The following LRRC1 variants were observed in gnomAD, a reference collection of about 807,000 sequenced individuals.
LRRC1 encodes leucine-rich repeat-containing protein 1.
In LRRC1, 28 loss-of-function variants were observed where a neutral mutation model predicts 69.9. That is an observed-to-expected ratio of 0.40 (90% CI 0.30 to 0.55). The LOEUF (loss-of-function observed/expected upper bound fraction) is 0.55, where lower values mean the gene tolerates loss of function less well. Ranked by LOEUF, LRRC1 falls within the 20% of genes least tolerant of loss-of-function variation. The pLI, the probability that LRRC1 is intolerant of heterozygous loss-of-function variation, is 0.47. For missense variants in LRRC1, 498 were observed against 609.0 expected, an observed-to-expected ratio of 0.82 and a Z score of 1.92; for synonymous variants, 236 against 240.2, an observed-to-expected ratio of 0.98 and a Z score of 0.16.
chr6:53,818,031 A>G (rs1765002527), intron 1 of LRRC1, among the ~76,000 whole-genome samples: 2 of 152,234 alleles, frequency 1.3e-5, no homozygotes, highest in Admixed American at 6.5e-5. Context: ...TAAGACATGA[A>G]TACAGCACAA....
chr6:53,813,088 C>G (rs1321475174), intron 1 of LRRC1, among the ~76,000 whole-genome samples: 1 of 151,646 alleles, frequency 6.6e-6, no homozygotes, highest in Non-Finnish European at 1.5e-5. Flanking sequence ...GGATGCTGTA[C>G]AGAGAGAGAG....
intron 2 of LRRC1, among the ~76,000 whole-genome samples, chr6:53,849,320 A>G (rs976770214): frequency 5.3e-5 from 8 of 152,224 alleles, no homozygotes; most frequent in African/African-American, 1.9e-4. Context: ...CGAACAGGCT[A>G]AGTTATGGAA....
At chr6:53,821,427 TAAATG>T (rs1368014515) in intron 1 of LRRC1, among the ~76,000 whole-genome samples, 2 of 152,336 alleles carry the variant, frequency 1.3e-5, no homozygotes, top group East Asian at 1.9e-4. Flanking sequence ...GATTTTAAAA[TAAATG>T]AAAACATTTT....
chr6:53,896,475 T>A (rs1435195678), intron 4 of LRRC1, 23 bp from the exon 5 acceptor site: 3 of 1,604,942 alleles, frequency 1.9e-6, no homozygotes, highest in Non-Finnish European at 2.6e-6. Flanking sequence ...CTTATGCTTT[T>A]TTTTCCTTCT....
In LRRC1 at chr6:53,807,701, C is replaced by T. The variant is rs113790914; in HGVS notation, c.159+12286C>T. On this transcript the variant is annotated intron_variant, in intron 1 of 13. Transcript: ENST00000370888. ...TGGAGGTTGCAGTGAGCCAAGATCA[C>T]GCCATTACACTCCAGCCTGGGCAAC... 3.0e-3 allele frequency among the ~76,000 whole-genome samples: 454 copies of T among 152,192 alleles called. 2 individuals are homozygous for T. The highest frequency in any genetic ancestry group is 5.0e-3 in the Non-Finnish European group (342 of 68,016).
intron 2 of LRRC1, among the ~76,000 whole-genome samples, chr6:53,849,400 T>C (rs1349205171): frequency 2.0e-5 from 3 of 152,242 alleles, no homozygotes; most frequent in African/African-American, 4.8e-5. Context: ...CAGTTTCTGC[T>C]CACTTTTTAA....
At chr6:53,902,604 A>G (rs368086181) in intron 8 of LRRC1, 25 bp from the exon 9 acceptor site, 2 of 1,332,762 alleles carry the variant, frequency 1.5e-6, no homozygotes, top group African/African-American at 1.5e-5. Context: ...TGAATTTGAT[A>G]ATAATAATCA....
Position 53,870,569 on chromosome 6 carries a change from C to T in LRRC1, c.278-8424C>T, listed in dbSNP as rs550898449. ...GTGCAGTGTTTTTGATACATTTATACAGTGCATAGTGATCAAATCAGGGTA... is the reference window on the plus strand; with the variant it reads ...GTGCAGTGTTTTTGATACATTTATATAGTGCATAGTGATCAAATCAGGGTA... On this transcript the variant is annotated intron_variant, in intron 2 of 13. Transcript: ENST00000370888. 3.9e-5 allele frequency among the ~76,000 whole-genome samples: 6 copies of T among 152,228 alleles called. No homozygotes were observed. The East Asian group carries it at 1.2e-3, about 29-fold the overall frequency.
intron 2 of LRRC1, among the ~76,000 whole-genome samples, chr6:53,850,305 G>A (rs915246481): frequency 1.3e-5 from 2 of 152,180 alleles, no homozygotes; most frequent in African/African-American, 2.4e-5. Flanking sequence ...TTTTTGATTA[G>A]ATGTTGGTAA....
intron 1 of LRRC1, among the ~76,000 whole-genome samples, chr6:53,830,958 AT>A (rs1765411181): frequency 7.0e-6 from 1 of 143,776 alleles, no homozygotes; most frequent in African/African-American, 2.5e-5. Context: ...TTATATATAT[AT>A]ATAATATATA....
intron 1 of LRRC1, among the ~76,000 whole-genome samples, chr6:53,829,497 G>T (rs1179475388): frequency 6.6e-6 from 1 of 152,162 alleles, no homozygotes; most frequent in East Asian, 1.9e-4. Context: ...CTTCATTAAA[G>T]GAAATCTTTG....
chr6:53,867,767 C>G (rs1167684252), intron 2 of LRRC1, among the ~76,000 whole-genome samples: 1 of 151,884 alleles, frequency 6.6e-6, no homozygotes, highest in African/African-American at 2.4e-5. Context: ...CCAGCCAGGG[C>G]AAGATAGTGA....
intron 10 of LRRC1, among the ~76,000 whole-genome samples, chr6:53,906,065 C>G (rs1357970464): frequency 6.6e-6 from 1 of 152,170 alleles, no homozygotes; most frequent in East Asian, 1.9e-4. Context: ...TTCTTTCTTT[C>G]TTTTTTAATG....
intron 1 of LRRC1, among the ~76,000 whole-genome samples, chr6:53,810,228 T>G (rs1764752402): frequency 6.6e-6 from 1 of 152,226 alleles, no homozygotes; most frequent in African/African-American, 2.4e-5. Context: ...ATAAATGTTA[T>G]GTCTCTCGTT....
At chr6:53,921,026 G>A (rs1311011998) in intron 13 of LRRC1, among the ~76,000 whole-genome samples, 1 of 151,886 alleles carries the variant, frequency 6.6e-6, no homozygotes, top group Non-Finnish European at 1.5e-5. Context: ...GGAGTGCAGT[G>A]GAGTGATCTC....
At chr6:53,814,563 T>C (rs1764895726) in intron 1 of LRRC1, among the ~76,000 whole-genome samples, 1 of 152,236 alleles carries the variant, frequency 6.6e-6, no homozygotes, top group South Asian at 2.1e-4. Flanking sequence ...TACTCAGCAG[T>C]GAGTCCCCAA....
chr6:53,826,741 T>C (rs935548072), intron 1 of LRRC1, among the ~76,000 whole-genome samples: 1 of 152,202 alleles, frequency 6.6e-6, no homozygotes, highest in South Asian at 2.1e-4. Flanking sequence ...CCCCTTCGAT[T>C]ATGAAATCTT....
At position 53,913,919 on chromosome 6, in the gene LRRC1, A is replaced by G. The variant is rs376746937; in HGVS notation, c.1056A>G (p.Ala352=). The change falls in exon 11 of 14, where the codon GCA becomes GCG. Residue 352 remains alanine (A), a synonymous_variant. Coordinates refer to ENST00000370888, the MANE Select transcript of LRRC1 (RefSeq NM_018214.5). ...ACAACAGACTAACTCGGATACCTGC[A>G]GAGGTGTCACAGGCAACAGAACTTC... ...VRDNRLTRIP[A]EVSQATELHV... The G allele has an allele frequency of 4.8e-5, 77 of 1,612,774 alleles. No homozygotes were observed. Among genetic ancestry groups the G allele is most frequent in the Non-Finnish European group, 6.2e-5 (73 of 1,178,992 alleles).
intron 1 of LRRC1, among the ~76,000 whole-genome samples, chr6:53,810,243 C>T (rs1288810400): frequency 2.0e-5 from 3 of 152,160 alleles, no homozygotes; most frequent in Non-Finnish European, 4.4e-5. Flanking sequence ...CTCGTTTAAC[C>T]CTATGTCTTC....
Sources: gnomAD v4.1 joint callset for allele counts (sites outside exome capture counted in the v4.1 genomes callset) on GRCh38, gnomAD v4.1.1 for gene constraint, MANE v1.5 for transcripts, NCBI Gene and HGNC (gene_info 2026-07-23, HGNC 2026-07-21) for gene names.